The following TBC1D32 variants were observed in gnomAD, a reference collection of about 807,000 sequenced individuals.
TBC1D32 encodes protein broad-minded.
Under a neutral mutation model 170.3 loss-of-function variants are expected in TBC1D32, and 151 were observed. The observed-to-expected ratio is 0.89, with a 90% CI of 0.78 to 1.01. The LOEUF (loss-of-function observed/expected upper bound fraction) is 1.01, where lower values mean the gene tolerates loss of function less well. Among genes scored for constraint, TBC1D32 ranks in the 50% least tolerant of loss-of-function variants. The pLI is 0.00. For synonymous variants in TBC1D32, 498 were observed against 488.0 expected, an observed-to-expected ratio of 1.02 and a Z score of -0.27; for missense variants, 1,464 against 1,457.1, an observed-to-expected ratio of 1.00 and a Z score of -0.08.
intron 15 of TBC1D32, among the ~76,000 whole-genome samples, chr6:121,260,927 C>T (rs1408071053): frequency 6.6e-6 from 1 of 152,194 alleles, no homozygotes; most frequent in Non-Finnish European, 1.5e-5. Context: ...CCAGGCCGTG[C>T]TTTTCCCTGC....
rs541906666 is a variant in TBC1D32 at position 121,184,323 on chromosome 6, T to G, written c.2570+20752A>C. On this transcript the variant is annotated intron_variant, in intron 22 of 31. Coordinates refer to ENST00000398212, the MANE Select transcript of TBC1D32 (RefSeq NM_152730.6). ...CCATATGCTTTAGTAAAACAAGAAT[T>G]CCAGAGGGTAAGTAATCCATAAAAA... is the stretch of plus-strand genomic sequence containing the variant. Among the ~76,000 whole-genome samples the G allele has an allele frequency of 1.1e-4, 17 of 151,992 alleles. No individual in the cohort carries two copies. In the South Asian group the frequency reaches 3.5e-3, roughly 32 times the overall value.
At chr6:121,152,470 T>C (rs1056792295) in intron 24 of TBC1D32, among the ~76,000 whole-genome samples, 2 of 152,164 alleles carry the variant, frequency 1.3e-5, no homozygotes, top group African/African-American at 2.4e-5. Context: ...CTGTCGATTA[T>C]GTGTCTTGGG....
chr6:121,239,158 C>A lies in TBC1D32; in HGVS notation c.2276G>T (p.Trp759Leu). 1 of 1,598,998 alleles carries A rather than the reference C, an allele frequency of 6.3e-7. No individual in the cohort carries two copies. The highest frequency in any genetic ancestry group is 8.6e-7 in the Non-Finnish European group (1 of 1,169,278). ...GFINELITEL[W>L]SNLEYGRDDV... ...ATCTCTTCCATATTCCAGATTGGAC[C>A]ATAATTCAGTTATAAGTTCATTAAT... Residue 759 changes from tryptophan to leucine, a missense_variant, in exon 20 of 32, where the codon TGG (tryptophan) becomes TTG (leucine). Around this residue, in one of 3 missense-constraint regions of TBC1D32, gnomAD observed 1,363 missense variants for 1,338.1 expected, o/e 1.02. Coordinates refer to ENST00000398212, the MANE Select transcript of TBC1D32 (RefSeq NM_152730.6).
intron 24 of TBC1D32, among the ~76,000 whole-genome samples, chr6:121,144,987 G>A (rs568197261): frequency 6.6e-6 from 1 of 152,326 alleles, no homozygotes; most frequent in Non-Finnish European, 1.5e-5. Flanking sequence ...GCTAGGTAAT[G>A]AGGACTGAGA....
At chr6:121,123,413 T>A (rs992125833) in intron 26 of TBC1D32, among the ~76,000 whole-genome samples, 1 of 152,108 alleles carries the variant, frequency 6.6e-6, no homozygotes, top group African/African-American at 2.4e-5. Flanking sequence ...ATCTGGGTGC[T>A]CCAGTGTTAG....
chr6:121,198,063 G>A (rs1391388064), intron 22 of TBC1D32, among the ~76,000 whole-genome samples: 1 of 146,076 alleles, frequency 6.8e-6, no homozygotes, highest in Non-Finnish European at 1.5e-5. Context: ...TTTGAGAGTT[G>A]GACCGGCTCT....
At position 121,220,181 on chromosome 6, in the gene TBC1D32, G is replaced by A. The variant is rs529101838; in HGVS notation, c.2481+3055C>T. Among the ~76,000 whole-genome samples the A allele has an allele frequency of 9.8e-5, 15 of 152,302 alleles. 1 individual carries two copies. The South Asian group carries it at 2.9e-3, about 29-fold the overall frequency. ...CCTAAAAGTGACTAAGCTTGTTGAG[G>A]AAAGCATGTCAAAAACTGAGACAGG... On this transcript the variant is annotated intron_variant, in intron 21 of 31. Coordinates refer to ENST00000398212, the MANE Select transcript of TBC1D32 (RefSeq NM_152730.6).
intron 22 of TBC1D32, chr6:121,170,293 A>G: frequency 1.9e-6 from 2 of 1,074,924 alleles, no homozygotes; most frequent in South Asian, 3.9e-5. Context: ...ATTTAAATTG[A>G]TTGAATTTAG....
intron 5 of TBC1D32, among the ~76,000 whole-genome samples, chr6:121,305,686 G>T (rs1414819257): frequency 5.3e-5 from 8 of 152,030 alleles, no homozygotes; most frequent in African/African-American, 9.7e-5. Flanking sequence ...TATTTTTATA[G>T]TTGCAGCAAC....
intron 31 of TBC1D32, among the ~76,000 whole-genome samples, chr6:121,085,187 G>A (rs1682439044): frequency 6.7e-6 from 1 of 148,964 alleles, no homozygotes; most frequent in South Asian, 2.1e-4. Flanking sequence ...CTTTTTGTGT[G>A]TTGTGTCTTA....
At chr6:121,087,496 T>C (rs1376358955) in intron 31 of TBC1D32, among the ~76,000 whole-genome samples, 1 of 152,206 alleles carries the variant, frequency 6.6e-6, no homozygotes, top group Non-Finnish European at 1.5e-5. Flanking sequence ...CACAGATTTT[T>C]ATTTCTAAAA....
At chr6:121,237,049 C>A (rs898003399) in intron 20 of TBC1D32, 8 of 152,018 alleles carry the variant, frequency 5.3e-5, no homozygotes, top group African/African-American at 1.9e-4. Flanking sequence ...GAAGAATTTT[C>A]TTCATCATTA....
At chr6:121,286,050 G>A (rs1803760083) in intron 12 of TBC1D32, among the ~76,000 whole-genome samples, 1 of 152,148 alleles carries the variant, frequency 6.6e-6, no homozygotes, top group African/African-American at 2.4e-5. Context: ...AAACAGAGGA[G>A]AAAAACTGGA....
At chr6:121,313,503 C>G (rs1808535523) in intron 3 of TBC1D32, among the ~76,000 whole-genome samples, 2 of 152,104 alleles carry the variant, frequency 1.3e-5, no homozygotes, top group South Asian at 4.1e-4. Context: ...AAGTTCACAT[C>G]TGCCCCTACA....
At chr6:121,315,902 C>A (rs987082781) in intron 3 of TBC1D32, among the ~76,000 whole-genome samples, 1 of 152,050 alleles carries the variant, frequency 6.6e-6, no homozygotes, top group Non-Finnish European at 1.5e-5. Context: ...TCCCAAAAGT[C>A]CAGGGATACC....
intron 24 of TBC1D32, among the ~76,000 whole-genome samples, chr6:121,159,771 A>G (rs918737223): frequency 6.6e-6 from 1 of 152,188 alleles, no homozygotes; most frequent in Non-Finnish European, 1.5e-5. Context: ...GTGGTATAAT[A>G]ATCTTATAAG....
At chr6:121,242,449 T>C (rs546129276) in intron 17 of TBC1D32, 110 bp from the exon 18 acceptor site, 22 of 1,010,238 alleles carry the variant, frequency 2.2e-5, no homozygotes, top group South Asian at 9.8e-5. Context: ...TTACACAGTA[T>C]ATATTGGTTG....
At chr6:121,306,417 G>C (rs1199658356) in intron 5 of TBC1D32, among the ~76,000 whole-genome samples, 1 of 152,168 alleles carries the variant, frequency 6.6e-6, no homozygotes, top group East Asian at 1.9e-4. Flanking sequence ...TGAGGGTGAA[G>C]ATTTTGTGTC....
At position 121,202,282 on chromosome 6, in the gene TBC1D32, A is replaced by AAC. The variant is rs1791676164; in HGVS notation, c.2570+2792_2570+2793insGT. On this transcript the variant is annotated intron_variant, in intron 22 of 31. Transcript: ENST00000398212. ...ATTCAGAGGTTGACTAGAGAATGAA[A>AAC]AAAAAAAAAAAGAAAGAAAGAAAAA... is the stretch of plus-strand genomic sequence containing the variant. 2.0e-5 allele frequency among the ~76,000 whole-genome samples: 3 copies of AAC among 150,098 alleles called. No individual in the cohort carries two copies. In the South Asian group the frequency reaches 6.3e-4, roughly 31 times the overall value.
Sources: gnomAD v4.1 joint callset for allele counts (sites outside exome capture counted in the v4.1 genomes callset) on GRCh38, gnomAD v4.1.1 for gene constraint, gnomAD v4.1.1 regional missense constraint, MANE v1.5 for transcripts, NCBI Gene and HGNC (gene_info 2026-07-23, HGNC 2026-07-21) for gene names.